The following QRICH2 variants were observed in gnomAD, a reference collection of about 807,000 sequenced individuals.
QRICH2 encodes glutamine-rich protein 2.
In QRICH2, 119 loss-of-function variants were observed where a neutral mutation model predicts 168.3. That is an observed-to-expected ratio of 0.71 (90% CI 0.61 to 0.82). The LOEUF (loss-of-function observed/expected upper bound fraction) is 0.82. Among genes scored for constraint, QRICH2 ranks in the 40% least tolerant of loss-of-function variants. The pLI is 0.00. For synonymous variants in QRICH2, 894 were observed against 951.2 expected (o/e 0.94, Z 1.11); for missense variants, 2,241 against 2,491.6 (o/e 0.90, Z 2.14).
At position 76,280,678 on chromosome 17, in the gene QRICH2, C is replaced by T. The variant is rs201225083; in HGVS notation, c.4437G>A (p.Glu1479=). The T allele has an allele frequency of 2.4e-4, 389 of 1,614,190 alleles. 1 individual carries two copies. The East Asian group carries it at 7.7e-3, about 32-fold the overall frequency. ...EKLEKEKANR[E]HLEMEIDVKA... ...CCACATCGATCTCCATCTCCAGGTGCTCCCTGTTGGCCTTTTCCTTTTCGA... is the reference window on the plus strand; with the variant it reads ...CCACATCGATCTCCATCTCCAGGTGTTCCCTGTTGGCCTTTTCCTTTTCGA... Residue 1479 remains glutamate (E), a synonymous_variant, in exon 10 of 19, where the codon GAG becomes GAA. Transcript: ENST00000680821. The surrounding 1 kb of genome is among the most constrained non-coding windows in gnomAD (Gnocchi z 7.4).
rs1567792892 is a variant in QRICH2 at position 76,308,062 on chromosome 17, G to T, written c.-64C>A. ...GCCAACCACTTCCCGCTCACTGCAC[G>T]CCGCGCCTTGGGGCCTTTCGGGGGC... On this transcript the variant is annotated 5_prime_UTR_variant, in exon 1 of 19. Coordinates refer to ENST00000680821, the MANE Select transcript of QRICH2 (RefSeq NM_001388453.1). 1 of 1,229,938 alleles carries T rather than the reference G, an allele frequency of 8.1e-7. No individual in the cohort carries two copies. The highest frequency in any genetic ancestry group is 1.0e-6 in the Non-Finnish European group (1 of 986,800). 76.2% of individuals were successfully genotyped at this position (1,229,938 alleles called of 1,614,324 possible).
At position 76,274,264 on chromosome 17, in the gene QRICH2, TAAGAC is replaced by T. The variant is rs755914885; in HGVS notation, c.5483-9_5483-5del. 1.9e-6 allele frequency: 3 copies of T among 1,584,062 alleles called. No homozygotes were observed. In the East Asian group the frequency reaches 7.1e-5, roughly 38 times the overall value. On this transcript the variant is annotated splice_polypyrimidine_tract_variant and splice_region_variant and intron_variant, in intron 18 of 18. Coordinates refer to ENST00000680821, the MANE Select transcript of QRICH2 (RefSeq NM_001388453.1). ...TCTTTCTGTTGACGAGAAGAAACTG[TAAGAC>T]AGGGGTGCTGAGGTTGCTCAACACA...
chr17:76,289,128 A>G (rs1302237421), intron 5 of QRICH2, among the ~76,000 whole-genome samples: 2 of 151,894 alleles, frequency 1.3e-5, no homozygotes, highest in Admixed American at 6.6e-5. Flanking sequence ...AGAAAAAAAG[A>G]AAAGAGCAAA....
At chr17:76,284,448 C>A (rs1307762578) in intron 7 of QRICH2, among the ~76,000 whole-genome samples, 1 of 136,784 alleles carries the variant, frequency 7.3e-6, no homozygotes, top group Non-Finnish European at 1.5e-5. Context: ...AGAGCTCTTT[C>A]AACTCAACAA....
Position 76,276,785 on chromosome 17 carries a change from T to TA in QRICH2, c.5266-19dup. On this transcript the variant is annotated intron_variant, in intron 16 of 18. Coordinates refer to ENST00000680821, the MANE Select transcript of QRICH2 (RefSeq NM_001388453.1). ...TCATCATGCTGTAGAAGTGAACAGA[T>TA]ACCGTCGCCACTGTAGCAGCCACAG... The TA allele has an allele frequency of 1.3e-6, 2 of 1,593,208 alleles. No individual in the cohort carries two copies. Among genetic ancestry groups the TA allele is most frequent in the Non-Finnish European group, 8.6e-7 (1 of 1,165,772 alleles).
At position 76,293,839 on chromosome 17, in the gene QRICH2, A is replaced by G; in HGVS notation, c.888T>C (p.Asp296=). The change falls in exon 4 of 19, where the codon GAT becomes GAC. Residue 296 remains aspartate, a synonymous_variant. Coordinates refer to ENST00000680821, the MANE Select transcript of QRICH2 (RefSeq NM_001388453.1). ...TGCTTTGTTCCCTACTGGAAACCCCATCAGAGGGGTGTGCTGTGCCACCAG... is the reference window on the plus strand; with the variant it reads ...TGCTTTGTTCCCTACTGGAAACCCCGTCAGAGGGGTGTGCTGTGCCACCAG... ...SGSGGTAHPS[D]GVSSREQSKV... 6.2e-7 allele frequency: 1 copy of G among 1,613,980 alleles called. No individual in the cohort carries two copies. Among genetic ancestry groups the G allele is most frequent in the Non-Finnish European group, 8.5e-7 (1 of 1,179,946 alleles).
At chr17:76,277,779 TAC>T (rs1041073720) in intron 15 of QRICH2, among the ~76,000 whole-genome samples, 2 of 151,290 alleles carry the variant, frequency 1.3e-5, no homozygotes, top group South Asian at 2.1e-4. Context: ...CACACACCCT[TAC>T]ACACACTCAT....
chr17:76,289,521 G>A (rs931516865), intron 5 of QRICH2, among the ~76,000 whole-genome samples: 3 of 152,056 alleles, frequency 2.0e-5, no homozygotes, highest in Admixed American at 6.6e-5. Flanking sequence ...AAATGAACAC[G>A]ATGATACCCA....
rs146741455 is a variant in QRICH2 at position 76,287,249 on chromosome 17, C to G, written c.3954G>C (p.Arg1318Ser). 1,158 of 1,614,058 alleles carry G rather than the reference C, an allele frequency of 7.2e-4. 1 individual carries two copies. Among genetic ancestry groups the G allele is most frequent in the Non-Finnish European group, 8.9e-4 (1,045 of 1,179,976 alleles). Residue 1318 changes from arginine (R) to serine (S), a missense_variant, in exon 7 of 19, where the codon AGG becomes AGC. Arg to Ser is a moderately radical substitution (Grantham distance 110). Transcript: ENST00000680821. Reference sequence around the variant, plus strand: ...CAGAATTTTCCATGGCAGCCTTGCCCCTGTCTTGGCTCTCCCTCAACTCGG... The same window carrying G: ...CAGAATTTTCCATGGCAGCCTTGCCGCTGTCTTGGCTCTCCCTCAACTCGG... ...ELAELRESQD[R>S]GKAAMENSVS... is the part of the protein sequence containing the mutation.
chr17:76,304,739 T>C, intron 2 of QRICH2, 143 bp downstream of exon 2: 1 of 775,404 alleles, frequency 1.3e-6, no homozygotes, highest in Non-Finnish European at 2.3e-6. Context: ...TGGGGCAGAT[T>C]TCCCTCCAAC....
rs11867478 is a variant in QRICH2 at position 76,281,849 on chromosome 17, C to A, written c.4263+15G>T. The A allele has an allele frequency of 6.2e-7, 1 of 1,607,246 alleles. No homozygotes were observed. Among genetic ancestry groups the A allele is most frequent in the Admixed American group, 1.7e-5 (1 of 59,888 alleles). ...ATGTCCAGTTGCAGCAGGAGGGAGGCGAGCAGAGCCCCACCTGTCTCTGGA... is the reference window on the plus strand; with the variant it reads ...ATGTCCAGTTGCAGCAGGAGGGAGGAGAGCAGAGCCCCACCTGTCTCTGGA... On this transcript the variant is annotated intron_variant, in intron 8 of 18. Coordinates refer to ENST00000680821, the MANE Select transcript of QRICH2 (RefSeq NM_001388453.1). This position sits in a 1 kb window ranked among gnomAD's most constrained non-coding sequence, Gnocchi z 4.4.
chr17:76,307,331 TG>T lies in QRICH2; in HGVS notation c.534+133del. ...CTATTTAGCCAGTCGCACTGAGGTC[TG>T]GCACCTCCTCGGTCCCCATCCCCTC... On this transcript the variant is annotated intron_variant, in intron 1 of 18. Coordinates refer to ENST00000680821, the MANE Select transcript of QRICH2 (RefSeq NM_001388453.1). The surrounding 1 kb of genome is among the most constrained non-coding windows in gnomAD (Gnocchi z 5.3). The T allele has an allele frequency of 2.3e-6, 2 of 863,804 alleles. No individual in the cohort carries two copies. The highest frequency in any genetic ancestry group is 3.7e-6 in the Non-Finnish European group (2 of 546,062). The allele number at this position is 863,804 out of a possible 1,614,324, so 53.5% of individuals were successfully genotyped here.
At chr17:76,282,896 T>A (rs2070814799) in intron 7 of QRICH2, among the ~76,000 whole-genome samples, 1 of 152,152 alleles carries the variant, frequency 6.6e-6, no homozygotes, top group African/African-American at 2.4e-5. Flanking sequence ...GGGCAGCCAC[T>A]GCAGAGCGCG....
At chr17:76,287,684 C>G (rs1024622112) in intron 6 of QRICH2, 116 bp downstream of exon 6, 27 of 770,038 alleles carry the variant, frequency 3.5e-5, no homozygotes, top group Non-Finnish European at 9.2e-6. Context: ...AGACACAATC[C>G]AGGTCAAAGA....
intron 3 of QRICH2, among the ~76,000 whole-genome samples, chr17:76,295,674 G>A (rs2070783450): frequency 6.6e-6 from 1 of 152,056 alleles, no homozygotes; most frequent in Non-Finnish European, 1.5e-5. Context: ...ATGTAAACAT[G>A]CAAACCCATG....
intron 15 of QRICH2, 103 bp downstream of exon 15, chr17:76,277,886 T>C (rs1598476503): frequency 1.6e-6 from 2 of 1,254,736 alleles, no homozygotes; most frequent in Non-Finnish European, 2.3e-6. Flanking sequence ...CTCCCTTTTC[T>C]CCCCCAGCAG....
At chr17:76,282,557 G>C (rs1239417842) in intron 7 of QRICH2, among the ~76,000 whole-genome samples, 2 of 152,192 alleles carry the variant, frequency 1.3e-5, no homozygotes, top group African/African-American at 4.8e-5. Context: ...GAACGGACAT[G>C]CTCCATCCAC....
In QRICH2 at chr17:76,308,000, G is replaced by A. The variant is rs2071018177; in HGVS notation, c.-2C>T. Reference sequence around the variant, plus strand: ...GGAGACCGTGGTCGCGGGCGGCATCGTGGCTGTCAGGAGCTGTGCGCCGCC... The same window carrying A: ...GGAGACCGTGGTCGCGGGCGGCATCATGGCTGTCAGGAGCTGTGCGCCGCC... On this transcript the variant is annotated 5_prime_UTR_variant, in exon 1 of 19. The change creates a new upstream start codon in the 5' untranslated region. Coordinates refer to ENST00000680821, the MANE Select transcript of QRICH2 (RefSeq NM_001388453.1). This position sits in a 1 kb window ranked among gnomAD's most constrained non-coding sequence, Gnocchi z 5.3. The A allele has an allele frequency of 2.4e-6, 3 of 1,233,078 alleles. No homozygotes were observed. The highest frequency in any genetic ancestry group is 4.2e-5 in the Admixed American group (1 of 23,950). 76.4% of individuals were successfully genotyped at this position (1,233,078 alleles called of 1,614,324 possible).
chr17:76,287,839 A>G lies in QRICH2; in HGVS notation c.3857T>C (p.Leu1286Pro), dbSNP rs2070918307. The change falls in exon 6 of 19, where the codon CTG (leucine) becomes CCG (proline). Residue 1286 changes from leucine (L) to proline (P), a missense_variant. Coordinates refer to ENST00000680821, the MANE Select transcript of QRICH2 (RefSeq NM_001388453.1). ...CTGCAATCTCAGCTCTCCAGCTTTC[A>G]GTTCCTTCCCTGCTTCTTGATTCCC... ...GEGNQEAGKE[L>P]KAGELRLQLG... is the part of the protein sequence containing the mutation. 1 of 1,613,974 alleles carries G rather than the reference A, an allele frequency of 6.2e-7. No homozygotes were observed. Among genetic ancestry groups the G allele is most frequent in the Non-Finnish European group, 8.5e-7 (1 of 1,180,008 alleles).
Sources: allele counts gnomAD v4.1 joint callset (sites outside exome capture counted in the v4.1 genomes callset), GRCh38; gene constraint gnomAD v4.1.1; non-coding constraint Gnocchi (gnomAD v3.1); transcripts MANE v1.5; gene names NCBI Gene and HGNC (gene_info 2026-07-23, HGNC 2026-07-21).